Variants in KATNB1 observed in about 807,000 individuals in gnomAD.
KATNB1 encodes the protein katanin regulatory subunit B1.
Under a neutral mutation model 82.3 loss-of-function variants are expected in KATNB1, and 38 were observed. The observed-to-expected ratio is 0.46, with a 90% CI of 0.36 to 0.61. KATNB1 has a LOEUF of 0.61. KATNB1 is among the 20% of genes least tolerant of loss of function. KATNB1 has a pLI of 0.00. For missense variants in KATNB1, 749 were observed against 915.7 expected, an observed-to-expected ratio of 0.82 and a Z score of 2.35; for synonymous variants, 361 against 368.7, an observed-to-expected ratio of 0.98 and a Z score of 0.24.
intron 4 of KATNB1, among the ~76,000 whole-genome samples, chr16:57,744,731 GTGTGTT>G (rs1256669231): frequency 4.7e-5 from 7 of 150,338 alleles, no homozygotes; most frequent in African/African-American, 1.7e-4. Context: ...GTGTGTGTGT[GTGTGTT>G]TGGATGTATG....
At chr16:57,742,762 C>T (rs1351775594) in intron 3 of KATNB1, among the ~76,000 whole-genome samples, 1 of 152,208 alleles carries the variant, frequency 6.6e-6, no homozygotes, top group Non-Finnish European at 1.5e-5. Context: ...TCTGCTAAAG[C>T]ACCCTGTGGT....
rs782691106 is a variant in KATNB1 at position 57,752,836 on chromosome 16, C to T, written c.763C>T (p.Arg255Cys). The T allele has an allele frequency of 3.1e-6, 5 of 1,610,912 alleles. No individual in the cohort carries two copies. The highest frequency in any genetic ancestry group is 1.3e-5 in the African/African-American group (1 of 74,906). The stretch of plus-strand genomic sequence containing the variant: ...GTACAGCGGCTGCCAGGACTCACTG[C>T]GTGTCTACGGCTGGGAACCTGAGCG... ...CLYSGCQDSL[R>C]VYGWEPERCF... Residue 255 changes from arginine to cysteine, a missense_variant, in exon 10 of 20, where the codon CGT becomes TGT. Physicochemically the swap from Arg to Cys is radical, Grantham distance 180. Transcript: ENST00000379661.
intron 4 of KATNB1, 66 bp downstream of exon 4, chr16:57,744,577 C>A: frequency 1.5e-6 from 2 of 1,294,014 alleles, no homozygotes; most frequent in Non-Finnish European, 2.2e-6. Flanking sequence ...TGCAGTTGTA[C>A]TGCTTCCTCC....
In KATNB1 at chr16:57,753,939, C is replaced by G. The variant is rs2049252580; in HGVS notation, c.1178-6C>G. On this transcript the variant is annotated splice_polypyrimidine_tract_variant and splice_region_variant and intron_variant, in intron 12 of 19. Transcript: ENST00000379661. ...GCTCACAGCCAGGGGCCTCTTTCCT[C>G]TGCAGGTCGGACGCCACCCCGGAGA... 6.2e-7 allele frequency: 1 copy of G among 1,613,388 alleles called. No individual in the cohort carries two copies. Among genetic ancestry groups the G allele is most frequent in the Non-Finnish European group, 8.5e-7 (1 of 1,179,866 alleles).
At chr16:57,746,637 T>C (rs1739318147) in intron 4 of KATNB1, among the ~76,000 whole-genome samples, 1 of 151,040 alleles carries the variant, frequency 6.6e-6, no homozygotes, top group South Asian at 2.1e-4. Flanking sequence ...TGTGCCTTGG[T>C]GCCTTAGCAG....
intron 8 of KATNB1, 49 bp from the exon 9 acceptor site, chr16:57,752,481 G>A: frequency 6.6e-7 from 1 of 1,505,864 alleles, no homozygotes; most frequent in Non-Finnish European, 9.0e-7. Flanking sequence ...GACATGTGGA[G>A]GCCAGGATGA....
chr16:57,741,561 G>C (rs1478145268), intron 2 of KATNB1, 126 bp from the exon 3 acceptor site: 4 of 989,610 alleles, frequency 4.0e-6, no homozygotes, highest in African/African-American at 1.6e-5. Context: ...CAAAGGGGGA[G>C]CTGAAGGAGG....
chr16:57,756,271 C>A, intron 18 of KATNB1, 85 bp from the exon 19 acceptor site: 1 of 1,281,696 alleles, frequency 7.8e-7, no homozygotes, highest in Non-Finnish European at 1.1e-6. Flanking sequence ...TCTGTTTCTG[C>A]CCCTCTCCTC....
Position 57,745,501 on chromosome 16 carries a change from T to G in KATNB1, c.289+990T>G, listed in dbSNP as rs2049176857. Among the ~76,000 whole-genome samples, 3 of 150,912 alleles carry G rather than the reference T, an allele frequency of 2.0e-5. No homozygotes were observed. In the South Asian group the frequency reaches 6.3e-4, roughly 32 times the overall value. Reference sequence around the variant, plus strand: ...TCACCTGAACCCGGGAGGTGGGGGTTGTGGTGAGCCAAGATCGCACCATTG... The same window carrying G: ...TCACCTGAACCCGGGAGGTGGGGGTGGTGGTGAGCCAAGATCGCACCATTG... On this transcript the variant is annotated intron_variant, in intron 4 of 19. Transcript: ENST00000379661.
At chr16:57,754,121 C>T in intron 13 of KATNB1, 126 bp downstream of exon 13, 2 of 783,998 alleles carry the variant, frequency 2.6e-6, no homozygotes, top group Non-Finnish European at 4.3e-6. Flanking sequence ...GACCCACACC[C>T]TCTCCCGCTG....
At chr16:57,741,629 CCTT>C in intron 2 of KATNB1, 55 bp from the exon 3 acceptor site, 1 of 1,560,996 alleles carries the variant, frequency 6.4e-7, no homozygotes, top group Non-Finnish European at 8.7e-7. Context: ...GGTCACCCCT[CCTT>C]CACAAGGCCC....
chr16:57,749,360 C>T (rs191262963), intron 4 of KATNB1, among the ~76,000 whole-genome samples: 13 of 152,338 alleles, frequency 8.5e-5, no homozygotes, highest in South Asian at 4.1e-4. Flanking sequence ...CAGTGAGGAG[C>T]GGAGCCAAGG....
At chr16:57,746,904 G>A (rs1375401072) in intron 4 of KATNB1, among the ~76,000 whole-genome samples, 1 of 151,978 alleles carries the variant, frequency 6.6e-6, no homozygotes, top group Non-Finnish European at 1.5e-5. Context: ...CTTTTTTTGA[G>A]ACAGTGTCAC....
chr16:57,753,790 G>A (rs975283413), intron 12 of KATNB1, among the ~76,000 whole-genome samples, 155 bp from the exon 13 acceptor site: 1 of 151,988 alleles, frequency 6.6e-6, no homozygotes, highest in Admixed American at 6.5e-5. Flanking sequence ...GCTGGGAGGG[G>A]CAGGACTGAG....
intron 2 of KATNB1, among the ~76,000 whole-genome samples, chr16:57,738,850 C>T (rs1253694900): frequency 2.0e-5 from 3 of 151,760 alleles, no homozygotes; most frequent in African/African-American, 2.4e-5. Flanking sequence ...CTCTGTACAG[C>T]GGGAGCTCAG....
chr16:57,756,376 C>A lies in KATNB1; in HGVS notation c.1739C>A (p.Thr580Asn), dbSNP rs1555586480. 1 of 1,614,026 alleles carries A rather than the reference C, an allele frequency of 6.2e-7. No homozygotes were observed. The highest frequency in any genetic ancestry group is 1.1e-5 in the South Asian group (1 of 91,084). Residue 580 changes from threonine to asparagine, a missense_variant, in exon 19 of 20, where the codon ACC becomes AAC. This residue lies in a region of KATNB1 where 95 missense variants were observed against 131.6 expected (regional missense o/e 0.72). Transcript: ENST00000379661. ...KYESYVQTGC[T>N]SLKLILQRFL... ...TAAAGCTACGTCCAGACGGGCTGCA[C>A]CTCCCTGAAGCTGATCCTGCAGCGG... is the stretch of plus-strand genomic sequence containing the variant.
At chr16:57,756,294 C>G (rs1401905328) in intron 18 of KATNB1, 62 bp from the exon 19 acceptor site, 1 of 1,436,898 alleles carries the variant, frequency 7.0e-7, no homozygotes, top group Non-Finnish European at 9.8e-7. Flanking sequence ...TTGTTCCTTG[C>G]TGTTTCTCTT....
Position 57,756,367 on chromosome 16 carries a change from C to T in KATNB1, c.1730C>T (p.Thr577Met), listed in dbSNP as rs11555150. The change falls in exon 19 of 20, where the codon ACG becomes ATG. Residue 577 changes from threonine to methionine, a missense_variant. Thr to Met is a moderately conservative substitution (Grantham distance 81). This residue lies in a region of KATNB1 where 95 missense variants were observed against 131.6 expected (regional missense o/e 0.72). Coordinates refer to ENST00000379661, the MANE Select transcript of KATNB1 (RefSeq NM_005886.3). ...LQSKYESYVQ[T>M]GCTSLKLILQ... ...ATCTCCCCCTAAAGCTACGTCCAGA[C>T]GGGCTGCACCTCCCTGAAGCTGATC... 14 of 1,613,822 alleles carry T rather than the reference C, an allele frequency of 8.7e-6. No individual in the cohort carries two copies. Among genetic ancestry groups the T allele is most frequent in the East Asian group, 2.2e-5 (1 of 44,890 alleles).
intron 2 of KATNB1, among the ~76,000 whole-genome samples, chr16:57,738,067 C>A (rs1439360768): frequency 2.0e-5 from 3 of 152,116 alleles, no homozygotes; most frequent in Non-Finnish European, 4.4e-5. Flanking sequence ...TCTTCTCAGA[C>A]CCCCCGAAAG....
Sources: allele counts gnomAD v4.1 joint callset (sites outside exome capture counted in the v4.1 genomes callset), GRCh38; gene constraint gnomAD v4.1.1; regional missense constraint gnomAD v4.1.1; transcripts MANE v1.5; gene names NCBI Gene and HGNC (gene_info 2026-07-23, HGNC 2026-07-21).